Variants in RAD21 observed in about 807,000 individuals in gnomAD.
RAD21 encodes the protein RAD21 cohesin complex component.
In RAD21, 18 loss-of-function variants were observed where a neutral mutation model predicts 71.5. The ratio of observed to expected loss-of-function variants is 0.25; its 90% CI spans 0.17 to 0.37. The LOEUF (loss-of-function observed/expected upper bound fraction) is 0.37, where lower values mean the gene tolerates loss of function less well. Among genes scored for constraint, RAD21 ranks in the 10% least tolerant of loss-of-function variants. The pLI, the probability that RAD21 is intolerant of heterozygous loss-of-function variation, is 1.00. For missense variants in RAD21, 493 were observed against 769.1 expected (o/e 0.64, Z 4.25); for synonymous variants, 248 against 254.0 (o/e 0.98, Z 0.22).
intron 13 of RAD21, among the ~76,000 whole-genome samples, chr8:116,847,939 C>T (rs2130450763): frequency 6.6e-6 from 1 of 152,274 alleles, no homozygotes; most frequent in Non-Finnish European, 1.5e-5. Context: ...ACAAGAGCTG[C>T]TTGTTTAAAA....
At chr8:116,867,407 G>C (rs561094824) in intron 1 of RAD21, among the ~76,000 whole-genome samples, 148 of 152,232 alleles carry the variant, frequency 9.7e-4, no homozygotes, top group African/African-American at 3.3e-3. Flanking sequence ...TATTAAATCA[G>C]GGACAATGGT....
chr8:116,870,342 T>A (rs1032740493), intron 1 of RAD21, among the ~76,000 whole-genome samples: 1 of 152,066 alleles, frequency 6.6e-6, no homozygotes, highest in African/African-American at 2.4e-5. Context: ...CCCTGGTCAA[T>A]ATAGCAAGAC....
intron 4 of RAD21, among the ~76,000 whole-genome samples, chr8:116,861,604 A>T (rs1052717162): frequency 9.9e-5 from 15 of 151,960 alleles, no homozygotes; most frequent in African/African-American, 3.6e-4. Flanking sequence ...GCTTTGGCCT[A>T]AGCTTGTCAA....
intron 2 of RAD21, among the ~76,000 whole-genome samples, chr8:116,865,982 C>T (rs1330128141): frequency 1.3e-5 from 2 of 152,112 alleles, no homozygotes; most frequent in Admixed American, 6.6e-5. Flanking sequence ...AGGGTTCACA[C>T]GTGGTGTTAT....
At chr8:116,867,293 G>T (rs186222016) in intron 1 of RAD21, among the ~76,000 whole-genome samples, 3 of 152,256 alleles carry the variant, frequency 2.0e-5, no homozygotes, top group African/African-American at 7.2e-5. Context: ...CCATTTTACA[G>T]GTGGGTAGTT....
chr8:116,851,886 C>CCACTT (rs1812356218), intron 11 of RAD21, 62 bp downstream of exon 11: 1 of 1,508,972 alleles, frequency 6.6e-7, no homozygotes, highest in East Asian at 2.3e-5. Flanking sequence ...TCCCTAAATA[C>CCACTT]CACTTGCTAC....
At chr8:116,858,152 A>G (rs1485441136) in intron 5 of RAD21, among the ~76,000 whole-genome samples, 200 bp downstream of exon 5, 1 of 152,188 alleles carries the variant, frequency 6.6e-6, no homozygotes, top group Admixed American at 6.5e-5. Context: ...GCATATAGGG[A>G]GAGAAGTAGG....
chr8:116,852,216 G>T, intron 10 of RAD21, 120 bp from the exon 11 acceptor site: 2 of 993,236 alleles, frequency 2.0e-6, no homozygotes, highest in Non-Finnish European at 2.8e-6. Context: ...AATGAAGAAG[G>T]CCAGATAAAA....
At chr8:116,851,864 C>CCA in intron 11 of RAD21, 84 bp downstream of exon 11, 1 of 1,425,534 alleles carries the variant, frequency 7.0e-7, no homozygotes, top group East Asian at 2.3e-5. Flanking sequence ...AACCAAGATA[C>CCA]TTTAAAAGGC....
intron 1 of RAD21, among the ~76,000 whole-genome samples, chr8:116,870,356 GTGTT>G (rs1400091370): frequency 6.6e-6 from 1 of 151,952 alleles, no homozygotes; most frequent in East Asian, 1.9e-4. Flanking sequence ...GCAAGACCCC[GTGTT>G]TATTTTTTAA....
chr8:116,851,958 G>A lies in RAD21; in HGVS notation c.1460C>T (p.Pro487Leu), dbSNP rs970499399. The A allele has an allele frequency of 1.9e-5, 30 of 1,607,786 alleles. No individual in the cohort carries two copies. Among genetic ancestry groups the A allele is most frequent in the Non-Finnish European group, 2.6e-5 (30 of 1,175,490 alleles). Residue 487 changes from proline to leucine, a missense_variant, in exon 11 of 14, where the codon CCT becomes CTT. Coordinates refer to ENST00000297338, the MANE Select transcript of RAD21 (RefSeq NM_006265.3). ...KRKAGQIDPE[P>L]VMPPQQVEQM... is the part of the protein sequence containing the mutation. ...GATTTGCTTACTTACAGGCATCACA[G>A]GCTCTGGGTCAATTTGTCCAGCTTT...
chr8:116,852,275 G>A (rs2130459106), intron 10 of RAD21, 179 bp from the exon 11 acceptor site: 1 of 674,526 alleles, frequency 1.5e-6, no homozygotes, highest in Admixed American at 3.1e-5. Context: ...TACGTAAAGG[G>A]GAAAGGGGAT....
intron 10 of RAD21, 51 bp from the exon 11 acceptor site, chr8:116,852,147 T>C (rs1263550935): frequency 1.4e-5 from 21 of 1,477,124 alleles, no homozygotes; most frequent in Non-Finnish European, 1.7e-5. Flanking sequence ...TTTTGAACAG[T>C]ATTATAGAAC....
rs1017927304 is a variant in RAD21 at position 116,850,167 on chromosome 8, CAA to C, written c.1620+449_1620+450del. ...CCTTCACTCAGTCTAAGTGTTTTAG[CAA>C]AGTTATGCTTTACCCTGGTCCAAGT... On this transcript the variant is annotated intron_variant, in intron 12 of 13. Coordinates refer to ENST00000297338, the MANE Select transcript of RAD21 (RefSeq NM_006265.3). 1.1e-4 allele frequency among the ~76,000 whole-genome samples: 16 copies of C among 152,246 alleles called. 1 individual carries two copies. The highest frequency in any genetic ancestry group is 9.8e-4 in the Admixed American group (15 of 15,294).
chr8:116,854,572 GACTCT>G, intron 8 of RAD21, 104 bp from the exon 9 acceptor site: 1 of 827,532 alleles, frequency 1.2e-6, no homozygotes, highest in Non-Finnish European at 1.9e-6. Flanking sequence ...TCTACACACA[GACTCT>G]AGCAGAGAAG....
chr8:116,866,734 C>T lies in RAD21; in HGVS notation c.-5G>A. The T allele has an allele frequency of 6.3e-7, 1 of 1,597,858 alleles. No homozygotes were observed. Among genetic ancestry groups the T allele is most frequent in the Non-Finnish European group, 8.5e-7 (1 of 1,173,184 alleles). ...AACAAAATGTGCGTAGAACATTGTT[C>T]TGGCTGGCTATGAAAACAGAAGAAA... On this transcript the variant is annotated 5_prime_UTR_variant, in exon 2 of 14. Transcript: ENST00000297338.
rs1337834271 is a variant in RAD21 at position 116,854,356 on chromosome 8, A to T, written c.1050T>A (p.Thr350=). Residue 350 remains threonine, a synonymous_variant, in exon 9 of 14, where the codon ACT becomes ACA. Coordinates refer to ENST00000297338, the MANE Select transcript of RAD21 (RefSeq NM_006265.3). The part of the protein sequence containing the change: ...QLSDYSDIVT[T]LDLAPPTKKL... ...TCTTGGTGGGCGGTGCCAGATCCAA[A>T]GTAGTAACAATATCTGAATAATCAC... is the stretch of plus-strand genomic sequence containing the variant. 1 of 1,613,828 alleles carries T rather than the reference A, an allele frequency of 6.2e-7. No homozygotes were observed. Among genetic ancestry groups the T allele is most frequent in the African/African-American group, 1.3e-5 (1 of 74,904 alleles).
intron 1 of RAD21, among the ~76,000 whole-genome samples, chr8:116,871,039 T>C (rs1812811804): frequency 6.6e-6 from 1 of 152,106 alleles, no homozygotes; most frequent in African/African-American, 2.4e-5. Context: ...CTAAAATTAA[T>C]GTGGGAAACA....
chr8:116,859,563 TTTAA>T (rs1348424567), intron 4 of RAD21, among the ~76,000 whole-genome samples: 1 of 152,016 alleles, frequency 6.6e-6, no homozygotes, highest in Non-Finnish European at 1.5e-5. Flanking sequence ...ATGCTAGTAT[TTTAA>T]TTATTTTGGA....
Sources: gnomAD v4.1 joint callset for allele counts (sites outside exome capture counted in the v4.1 genomes callset) on GRCh38, gnomAD v4.1.1 for gene constraint, MANE v1.5 for transcripts, NCBI Gene and HGNC (gene_info 2026-07-23, HGNC 2026-07-21) for gene names.